The following GRB14 variants were observed in gnomAD, a reference collection of about 807,000 sequenced individuals.
GRB14 encodes the protein growth factor receptor bound protein 14, also known as growth factor receptor-bound protein 14.
Under a neutral mutation model 69.1 loss-of-function variants are expected in GRB14, and 38 were observed. The ratio of observed to expected loss-of-function variants is 0.55; its 90% CI spans 0.42 to 0.72. GRB14 has a LOEUF of 0.72. Among genes scored for constraint, GRB14 ranks in the 30% least tolerant of loss-of-function variants. GRB14 has a pLI of 0.00. For synonymous variants in GRB14, 247 were observed against 241.3 expected, an observed-to-expected ratio of 1.02 and a Z score of -0.22; for missense variants, 666 against 666.1, an observed-to-expected ratio of 1.00 and a Z score of 0.00.
At chr2:164,616,997 C>A (rs1278010953) in intron 2 of GRB14, among the ~76,000 whole-genome samples, 1 of 152,150 alleles carries the variant, frequency 6.6e-6, no homozygotes, top group Non-Finnish European at 1.5e-5. Context: ...TTGGGGGACT[C>A]ACTTACATAG....
At position 164,511,973 on chromosome 2, in the gene GRB14, G is replaced by A. The variant is rs542617993; in HGVS notation, c.817-3121C>T. Among the ~76,000 whole-genome samples, 3 of 152,212 alleles carry A rather than the reference G, an allele frequency of 2.0e-5. No individual in the cohort carries two copies. In the East Asian group the frequency reaches 5.8e-4, roughly 30 times the overall value. On this transcript the variant is annotated intron_variant, in intron 6 of 13. Transcript: ENST00000263915. ...ATGACTGAAGAGCCCTTGGGCCTTA[G>A]ATGAACATCAGCAGTTGCTAGCAGT... is the stretch of plus-strand genomic sequence containing the variant.
chr2:164,542,153 A>C (rs935122632), intron 3 of GRB14, among the ~76,000 whole-genome samples: 1 of 152,234 alleles, frequency 6.6e-6, no homozygotes, highest in African/African-American at 2.4e-5. Flanking sequence ...GCTTTGACAA[A>C]GTTGACAAAA....
chr2:164,614,013 G>A (rs150270428), intron 2 of GRB14, among the ~76,000 whole-genome samples: 10 of 152,234 alleles, frequency 6.6e-5, no homozygotes, highest in African/African-American at 2.2e-4. Flanking sequence ...CTATTCAGTG[G>A]GTTTTGCAAG....
chr2:164,533,012 C>A (rs543469453), intron 3 of GRB14, among the ~76,000 whole-genome samples: 11 of 151,414 alleles, frequency 7.3e-5, no homozygotes, highest in South Asian at 6.3e-4. Flanking sequence ...CTTGTAGGTC[C>A]CAAGTGCCCA....
intron 2 of GRB14, among the ~76,000 whole-genome samples, chr2:164,585,748 A>G: frequency 6.6e-6 from 1 of 152,328 alleles, no homozygotes; most frequent in Non-Finnish European, 1.5e-5. Context: ...TTAAGAAGTG[A>G]TCATATAGAT....
chr2:164,572,736 G>A (rs1380995959), intron 2 of GRB14, among the ~76,000 whole-genome samples: 1 of 152,072 alleles, frequency 6.6e-6, no homozygotes, highest in Non-Finnish European at 1.5e-5. Flanking sequence ...TTCCTTGAGG[G>A]CAGTGGCATG....
intron 2 of GRB14, among the ~76,000 whole-genome samples, chr2:164,616,334 G>C (rs1233932558): frequency 6.7e-6 from 1 of 150,294 alleles, no homozygotes; most frequent in African/African-American, 2.5e-5. Context: ...GCTGAGGCAG[G>C]AGAATGGCAT....
chr2:164,608,621 G>C lies in GRB14; in HGVS notation c.324+11066C>G, dbSNP rs181026586. On this transcript the variant is annotated intron_variant, in intron 2 of 13. Transcript: ENST00000263915. ...AAGAAAAAAAGTTAAATTAATACAGGACTAAGAGTTCTGGGGAGTATGATG... is the reference window on the plus strand; with the variant it reads ...AAGAAAAAAAGTTAAATTAATACAGCACTAAGAGTTCTGGGGAGTATGATG... Among the ~76,000 whole-genome samples, 50 of 151,816 alleles carry C rather than the reference G, an allele frequency of 3.3e-4. 1 individual carries two copies. Among genetic ancestry groups the C allele is most frequent in the Admixed American group, 3.1e-3 (47 of 15,230 alleles).
At chr2:164,539,819 G>A (rs1417892025) in intron 3 of GRB14, 1 of 152,164 alleles carries the variant, frequency 6.6e-6, no homozygotes, top group Non-Finnish European at 1.5e-5. Context: ...GACCACGTGT[G>A]AAGATGGTAC....
intron 12 of GRB14, 68 bp from the exon 13 acceptor site, chr2:164,494,592 A>G (rs932580297): frequency 1.1e-6 from 1 of 883,476 alleles, no homozygotes; most frequent in African/African-American, 1.7e-5. Context: ...TATAGCATTA[A>G]TAAATCCAAG....
intron 4 of GRB14, among the ~76,000 whole-genome samples, chr2:164,526,186 G>A (rs1687769921): frequency 6.6e-6 from 1 of 152,014 alleles, no homozygotes; most frequent in South Asian, 2.1e-4. Flanking sequence ...AAAAGACAAC[G>A]TGAGAGGTCT....
chr2:164,562,501 T>C (rs573591796), intron 2 of GRB14, among the ~76,000 whole-genome samples: 1 of 152,308 alleles, frequency 6.6e-6, no homozygotes, highest in East Asian at 1.9e-4. Context: ...AACCACTTTT[T>C]GTTTGACTCA....
intron 2 of GRB14, among the ~76,000 whole-genome samples, chr2:164,548,940 C>T (rs1434314396): frequency 3.3e-5 from 5 of 152,188 alleles, no homozygotes; most frequent in East Asian, 3.9e-4. Flanking sequence ...TGCAATGGTG[C>T]GATTTCGGCT....
chr2:164,553,581 G>C (rs1257897861), intron 2 of GRB14, among the ~76,000 whole-genome samples: 1 of 152,144 alleles, frequency 6.6e-6, no homozygotes, highest in Non-Finnish European at 1.5e-5. Flanking sequence ...TCATCTCTTA[G>C]ATATAGTCTG....
Position 164,502,673 on chromosome 2 carries a change from G to A in GRB14, c.1024-338C>T, listed in dbSNP as rs778477081. On this transcript the variant is annotated intron_variant, in intron 8 of 13. Coordinates refer to ENST00000263915, the MANE Select transcript of GRB14 (RefSeq NM_004490.3). ...TGATAAAAAAAAAAAAACTCACTTG[G>A]GAAGGGCGATGTGCTTTCTGGTACA... Among the ~76,000 whole-genome samples, 153 of 151,562 alleles carry A rather than the reference G, an allele frequency of 1.0e-3. 1 individual carries two copies. Among genetic ancestry groups the A allele is most frequent in the Non-Finnish European group, 4.0e-4 (27 of 67,884 alleles).
At chr2:164,595,489 G>C (rs1392279652) in intron 2 of GRB14, among the ~76,000 whole-genome samples, 2 of 152,122 alleles carry the variant, frequency 1.3e-5, no homozygotes, top group African/African-American at 4.8e-5. Context: ...ATTCACTCTG[G>C]GACAGCAAAC....
In GRB14 at chr2:164,526,237, A is replaced by G. The variant is rs149476980; in HGVS notation, c.603+777T>C. On this transcript the variant is annotated intron_variant, in intron 4 of 13. Coordinates refer to ENST00000263915, the MANE Select transcript of GRB14 (RefSeq NM_004490.3). ...TATTCTATTATGGTGTGTATCATATATTTTTCATAAAGAATCATTTCAATC... is the reference window on the plus strand; with the variant it reads ...TATTCTATTATGGTGTGTATCATATGTTTTTCATAAAGAATCATTTCAATC... Among the ~76,000 whole-genome samples the G allele has an allele frequency of 1.6e-4, 25 of 152,152 alleles. No individual in the cohort carries two copies. The East Asian group carries it at 4.4e-3, about 27-fold the overall frequency.
intron 2 of GRB14, among the ~76,000 whole-genome samples, chr2:164,576,853 A>T (rs975887095): frequency 8.6e-5 from 13 of 151,836 alleles, no homozygotes; most frequent in Non-Finnish European, 1.9e-4. Flanking sequence ...GATAAAACTA[A>T]TAAGTTCTGA....
intron 12 of GRB14, 119 bp from the exon 13 acceptor site, chr2:164,494,643 T>C: frequency 4.2e-6 from 3 of 707,108 alleles, no homozygotes; most frequent in East Asian, 2.6e-5. Context: ...CTTTACTATG[T>C]ATTCAATGGG....
Sources: allele counts gnomAD v4.1 joint callset (sites outside exome capture counted in the v4.1 genomes callset), GRCh38; gene constraint gnomAD v4.1.1; transcripts MANE v1.5; gene names NCBI Gene and HGNC (gene_info 2026-07-23, HGNC 2026-07-21).